Variants in LPP observed in about 807,000 individuals in gnomAD.
The protein encoded by LPP is lipoma-preferred partner.
Under a neutral mutation model 60.4 loss-of-function variants are expected in LPP, and 38 were observed. That is an observed-to-expected ratio of 0.63 (90% CI 0.49 to 0.83). The LOEUF (loss-of-function observed/expected upper bound fraction) is 0.83. Among genes scored for constraint, LPP ranks in the 40% least tolerant of loss-of-function variants. The pLI is 0.00. For missense variants in LPP, 902 were observed against 783.6 expected (o/e 1.15, Z -1.80); for synonymous variants, 328 against 290.8 (o/e 1.13, Z -1.30).
intron 7 of LPP, among the ~76,000 whole-genome samples, chr3:188,649,552 A>G (rs1851703517): frequency 6.6e-6 from 1 of 151,314 alleles, no homozygotes; most frequent in South Asian, 2.1e-4. Context: ...CGCAGGTGAA[A>G]CTCTGAGCTA....
chr3:188,341,171 G>C (rs562038002), intron 2 of LPP, among the ~76,000 whole-genome samples: 63 of 152,244 alleles, frequency 4.1e-4, no homozygotes, highest in African/African-American at 1.5e-3. Flanking sequence ...CAAGCCTTGT[G>C]AATTAAGACA....
At chr3:188,727,006 T>C (rs1718660335) in intron 8 of LPP, among the ~76,000 whole-genome samples, 1 of 152,178 alleles carries the variant, frequency 6.6e-6, no homozygotes, top group African/African-American at 2.4e-5. Context: ...CAGAAAAACC[T>C]TCAGCCGAGC....
At chr3:188,240,222 A>G (rs554463855) in intron 2 of LPP, 3 of 177,560 alleles carry the variant, frequency 1.7e-5, no homozygotes, top group South Asian at 2.0e-4. Context: ...AACTAATTTA[A>G]AAATCCTTTT....
At chr3:188,667,417 G>T (rs1227548966) in intron 7 of LPP, among the ~76,000 whole-genome samples, 1 of 151,498 alleles carries the variant, frequency 6.6e-6, no homozygotes. Context: ...GGTGGAGCTT[G>T]CAGTGAGCCG....
intron 7 of LPP, among the ~76,000 whole-genome samples, chr3:188,644,403 T>A (rs979818730): frequency 6.6e-6 from 1 of 152,190 alleles, no homozygotes; most frequent in Non-Finnish European, 1.5e-5. Flanking sequence ...AACACCCTAG[T>A]GGACTTCAGG....
intron 9 of LPP, among the ~76,000 whole-genome samples, chr3:188,834,930 T>G (rs1758026972): frequency 6.6e-6 from 1 of 152,170 alleles, no homozygotes; most frequent in Non-Finnish European, 1.5e-5. Context: ...CATCTTAGCC[T>G]TCCATTTTAT....
At chr3:188,181,124 G>A (rs182908142) in intron 1 of LPP, among the ~76,000 whole-genome samples, 8 of 152,078 alleles carry the variant, frequency 5.3e-5, no homozygotes, top group Non-Finnish European at 7.4e-5. Context: ...GGAGGCCGAG[G>A]TGGGCGGATC....
At position 188,868,701 on chromosome 3, in the gene LPP, G is replaced by T. The variant is rs546954809; in HGVS notation, c.1589+2323G>T. Among the ~76,000 whole-genome samples, 260 of 152,304 alleles carry T rather than the reference G, an allele frequency of 1.7e-3. 1 individual carries two copies. The highest frequency in any genetic ancestry group is 2.9e-3 in the Non-Finnish European group (199 of 68,030). ...TAATCACTGAAAGACCAAAGAGAGG[G>T]CAGACAAAGGGATATTCCTCCTCCA... On this transcript the variant is annotated intron_variant, in intron 10 of 11. Coordinates refer to ENST00000617246, the MANE Select transcript of LPP (RefSeq NM_001375462.1).
chr3:188,372,501 A>G (rs1407340870), intron 3 of LPP, among the ~76,000 whole-genome samples: 2 of 152,094 alleles, frequency 1.3e-5, no homozygotes, highest in Non-Finnish European at 2.9e-5. Context: ...TCTTGTTGTA[A>G]GAAATGTTTT....
chr3:188,485,116 G>T (rs1025837956), intron 5 of LPP, among the ~76,000 whole-genome samples: 4 of 152,148 alleles, frequency 2.6e-5, no homozygotes, highest in African/African-American at 9.7e-5. Context: ...GCTGTAGTTG[G>T]TTAATGTGGA....
At chr3:188,243,008 T>C (rs1044670084) in intron 2 of LPP, among the ~76,000 whole-genome samples, 2 of 152,228 alleles carry the variant, frequency 1.3e-5, no homozygotes, top group African/African-American at 2.4e-5. Flanking sequence ...ACTTGCTATA[T>C]TGTTTAGGCC....
intron 7 of LPP, among the ~76,000 whole-genome samples, chr3:188,617,944 A>G (rs574741886): frequency 6.6e-5 from 10 of 152,292 alleles, no homozygotes; most frequent in African/African-American, 2.4e-4. Context: ...CCAGCTACAA[A>G]CACTCATACT....
At position 188,881,139 on chromosome 3, in the gene LPP, C is replaced by CAAAAGAAAAAAAAAAAA; in HGVS notation, c.*6664_*6665insGAAAAAAAAAAAAAAAA. 1 of 70,456 alleles carries CAAAAGAAAAAAAAAAAA rather than the reference C, an allele frequency of 1.4e-5. No individual in the cohort carries two copies. Among genetic ancestry groups the CAAAAGAAAAAAAAAAAA allele is most frequent in the Non-Finnish European group, 3.1e-5 (1 of 31,882 alleles). The allele number at this position is 70,456 out of a possible 1,614,324, so 4.4% of individuals were successfully genotyped here. On this transcript the variant is annotated 3_prime_UTR_variant, in exon 12 of 12. Coordinates refer to ENST00000617246, the MANE Select transcript of LPP (RefSeq NM_001375462.1). ...TGGGCGAAAGAGCGAGACTCCGTCT[C>CAAAAGAAAAAAAAAAAA]AAAAAAAAAAAAAAAAAAATAGGAT...
intron 6 of LPP, among the ~76,000 whole-genome samples, chr3:188,537,154 A>G (rs921797196): frequency 5.3e-5 from 8 of 152,182 alleles, no homozygotes; most frequent in African/African-American, 1.9e-4. Context: ...AACTTTGTTG[A>G]TCTACAGTCA....
intron 4 of LPP, among the ~76,000 whole-genome samples, chr3:188,422,913 TTGTGTG>T (rs10689970): frequency 0.018 from 2,397 of 133,856 alleles, 54 homozygotes; most frequent in Admixed American, 0.052. Context: ...GGTGTCTTCT[TTGTGTG>T]TGTGTGTGTG....
At chr3:188,488,057 C>A (rs1399038203) in intron 5 of LPP, among the ~76,000 whole-genome samples, 1 of 150,704 alleles carries the variant, frequency 6.6e-6, no homozygotes, top group Non-Finnish European at 1.5e-5. Flanking sequence ...AAACTGAGAC[C>A]CAAGAAGGGA....
intron 7 of LPP, among the ~76,000 whole-genome samples, chr3:188,661,769 A>G (rs1854628466): frequency 6.6e-6 from 1 of 152,190 alleles, no homozygotes. Flanking sequence ...TGCATTTTTG[A>G]CATGCACCCT....
chr3:188,193,167 C>T (rs1246281868), intron 1 of LPP, among the ~76,000 whole-genome samples: 1 of 152,140 alleles, frequency 6.6e-6, no homozygotes, highest in Non-Finnish European at 1.5e-5. Context: ...GCTGATTATG[C>T]TGAAGATAGC....
intron 8 of LPP, among the ~76,000 whole-genome samples, chr3:188,757,663 AAG>A (rs1483253973): frequency 6.6e-6 from 1 of 152,138 alleles, no homozygotes; most frequent in Non-Finnish European, 1.5e-5. Flanking sequence ...AATATAGAAA[AAG>A]AATTTTGTTG....
Sources: gnomAD v4.1 joint callset for allele counts (sites outside exome capture counted in the v4.1 genomes callset) on GRCh38, gnomAD v4.1.1 for gene constraint, MANE v1.5 for transcripts, NCBI Gene and HGNC (gene_info 2026-07-23, HGNC 2026-07-21) for gene names.